CTNNA3: variants seen among roughly 807,000 people sequenced by gnomAD.
CTNNA3 encodes the protein catenin alpha 3, also known as catenin alpha-3.
A neutral mutation model predicts 95.7 loss-of-function variants in CTNNA3; 76 were observed. The observed-to-expected ratio is 0.79, with a 90% CI of 0.66 to 0.96. The LOEUF is 0.96. CTNNA3 is among the 40% of genes least tolerant of loss of function. The probability of loss-of-function intolerance (pLI) is 0.00; values close to 1 mark genes in which losing one functional copy is unlikely to be tolerated. For missense variants in CTNNA3, 1,191 were observed against 1,089.8 expected (o/e 1.09, Z -1.31); for synonymous variants, 431 against 374.4 (o/e 1.15, Z -1.74).
intron 3 of CTNNA3, among the ~76,000 whole-genome samples, chr10:67,566,006 TACACACAC>T (rs1339908096): frequency 9.2e-6 from 1 of 108,384 alleles, no homozygotes; most frequent in East Asian, 2.8e-4. Flanking sequence ...TATATATATA[TACACACAC>T]AAACACACAC....
intron 4 of CTNNA3, among the ~76,000 whole-genome samples, chr10:67,531,881 T>C (rs548811418): frequency 4.2e-4 from 64 of 152,230 alleles, no homozygotes; most frequent in Non-Finnish European, 7.6e-4. Flanking sequence ...ACTGTTCTCA[T>C]GATAGTGGAA....
At chr10:67,289,048 G>A (rs1383798746) in intron 5 of CTNNA3, among the ~76,000 whole-genome samples, 1 of 152,056 alleles carries the variant, frequency 6.6e-6, no homozygotes. Flanking sequence ...CATAATATAT[G>A]TATTTATACA....
At chr10:66,219,092 A>G (rs1054833720) in intron 13 of CTNNA3, among the ~76,000 whole-genome samples, 1 of 152,198 alleles carries the variant, frequency 6.6e-6, no homozygotes, top group Non-Finnish European at 1.5e-5. Context: ...TCTATAAATC[A>G]AGATAAACGT....
chr10:66,321,516 G>A (rs2092185275), intron 12 of CTNNA3, among the ~76,000 whole-genome samples: 1 of 152,074 alleles, frequency 6.6e-6, no homozygotes, highest in Non-Finnish European at 1.5e-5. Flanking sequence ...AATCATTCAA[G>A]TTATTCTCAA....
At chr10:67,524,258 C>G (rs1163014630) in intron 4 of CTNNA3, among the ~76,000 whole-genome samples, 1 of 151,854 alleles carries the variant, frequency 6.6e-6, no homozygotes, top group Non-Finnish European at 1.5e-5. Context: ...AAAAAATTAG[C>G]CAGGAGAGGT....
At chr10:66,631,495 C>A (rs988592665) in intron 9 of CTNNA3, among the ~76,000 whole-genome samples, 1 of 152,094 alleles carries the variant, frequency 6.6e-6, no homozygotes, top group Non-Finnish European at 1.5e-5. Context: ...ACTGAAATTC[C>A]TTTTTGAACT....
At chr10:67,188,966 A>C (rs1346543200) in intron 6 of CTNNA3, among the ~76,000 whole-genome samples, 1 of 151,892 alleles carries the variant, frequency 6.6e-6, no homozygotes, top group Non-Finnish European at 1.5e-5. Flanking sequence ...AACATACAAA[A>C]ATTAGCCAGG....
intron 15 of CTNNA3, among the ~76,000 whole-genome samples, chr10:66,048,576 C>T (rs989778420): frequency 1.2e-4 from 18 of 152,004 alleles, no homozygotes; most frequent in South Asian, 2.1e-4. Flanking sequence ...CTGGCTAACA[C>T]GGCGAAACCC....
chr10:66,340,094 G>C lies in CTNNA3; in HGVS notation c.1732+39058C>G, dbSNP rs543720076. 2.6e-5 allele frequency among the ~76,000 whole-genome samples: 4 copies of C among 151,828 alleles called. No homozygotes were observed. In the East Asian group the frequency reaches 7.7e-4, roughly 29 times the overall value. ...TAAAAAAGGACAGGGTTATATTTGT[G>C]GGTCTTGGTTGACACTTAGAGCTTG... is the stretch of plus-strand genomic sequence containing the variant. On this transcript the variant is annotated intron_variant, in intron 12 of 17. Transcript: ENST00000433211.
At chr10:66,075,397 T>C (rs900846585) in intron 14 of CTNNA3, among the ~76,000 whole-genome samples, 3 of 151,808 alleles carry the variant, frequency 2.0e-5, no homozygotes, top group Non-Finnish European at 3.0e-5. Flanking sequence ...CAGTTTCATA[T>C]GTTAAATGAT....
intron 7 of CTNNA3, among the ~76,000 whole-genome samples, chr10:67,071,421 C>A (rs543721840): frequency 6.8e-6 from 1 of 147,232 alleles, no homozygotes; most frequent in South Asian, 2.1e-4. Flanking sequence ...TTGCAGTTAT[C>A]TTCTCTCAAC....
intron 7 of CTNNA3, among the ~76,000 whole-genome samples, chr10:67,088,981 T>C (rs1411323645): frequency 1.3e-5 from 2 of 152,012 alleles, no homozygotes; most frequent in Non-Finnish European, 2.9e-5. Flanking sequence ...GTATAATGAC[T>C]ACTTAGATAG....
chr10:66,973,904 G>C (rs1343173837), intron 7 of CTNNA3, among the ~76,000 whole-genome samples: 2 of 152,144 alleles, frequency 1.3e-5, no homozygotes, highest in African/African-American at 2.4e-5. Flanking sequence ...TTACAGGCGT[G>C]AACCACCGCG....
intron 9 of CTNNA3, among the ~76,000 whole-genome samples, chr10:66,672,986 C>T (rs895103963): frequency 7.9e-5 from 12 of 151,998 alleles, no homozygotes; most frequent in African/African-American, 2.7e-4. Flanking sequence ...TTTCTCAAAG[C>T]CATATGGATG....
intron 5 of CTNNA3, among the ~76,000 whole-genome samples, chr10:67,270,065 C>CT (rs1171316564): frequency 6.6e-6 from 1 of 150,994 alleles, no homozygotes; most frequent in Non-Finnish European, 1.5e-5. Flanking sequence ...CTATAAATCG[C>CT]TCTGAGTACT....
chr10:67,186,500 C>A (rs1227170504), intron 6 of CTNNA3, among the ~76,000 whole-genome samples: 1 of 152,116 alleles, frequency 6.6e-6, no homozygotes, highest in African/African-American at 2.4e-5. Flanking sequence ...CTTGATTTTG[C>A]CTGAAACAAC....
intron 7 of CTNNA3, among the ~76,000 whole-genome samples, chr10:66,917,098 A>G (rs1031647678): frequency 6.6e-6 from 1 of 152,210 alleles, no homozygotes; most frequent in South Asian, 2.1e-4. Context: ...CATCAACAAG[A>G]ATGCAAGAAG....
chr10:67,690,067 G>A (rs2133585592), intron 1 of CTNNA3, among the ~76,000 whole-genome samples: 1 of 152,250 alleles, frequency 6.6e-6, no homozygotes, highest in South Asian at 2.1e-4. Context: ...TCTTAAAGAT[G>A]GTGTGTCTGG....
At chr10:66,099,775 C>T (rs1294279175) in intron 14 of CTNNA3, among the ~76,000 whole-genome samples, 2 of 152,156 alleles carry the variant, frequency 1.3e-5, no homozygotes, top group East Asian at 1.9e-4. Context: ...TGTCCTCTTT[C>T]TCATTCCATT....
Sources: allele counts gnomAD v4.1 joint callset (sites outside exome capture counted in the v4.1 genomes callset), GRCh38; gene constraint gnomAD v4.1.1; transcripts MANE v1.5; gene names NCBI Gene and HGNC (gene_info 2026-07-23, HGNC 2026-07-21).